Variants in CCR9 observed in about 807,000 individuals in gnomAD.
The protein encoded by CCR9 is C-C chemokine receptor type 9.
Under a neutral mutation model 8.7 loss-of-function variants are expected in CCR9, and 4 were observed. The observed-to-expected ratio is 0.46, with a 90% CI of 0.23 to 1.06. The LOEUF (loss-of-function observed/expected upper bound fraction) is 1.06, where lower values mean the gene tolerates loss of function less well. Ranked by LOEUF, CCR9 falls within the 50% of genes least tolerant of loss-of-function variation. The probability of loss-of-function intolerance (pLI) is 0.21; values close to 1 mark genes in which losing one functional copy is unlikely to be tolerated. For synonymous variants in CCR9, 159 were observed against 168.8 expected (o/e 0.94, Z 0.45); for missense variants, 394 against 453.6 (o/e 0.87, Z 1.19).
chr3:45,894,773 C>T, intron 1 of CCR9, 133 bp from the exon 2 acceptor site: 1 of 683,070 alleles, frequency 1.5e-6, no homozygotes, highest in Non-Finnish European at 2.6e-6. Flanking sequence ...ACTATATAGA[C>T]TCTAACTCCT....
At chr3:45,894,776 T>C in intron 1 of CCR9, 130 bp from the exon 2 acceptor site, 1 of 691,836 alleles carries the variant, frequency 1.4e-6, no homozygotes, top group South Asian at 1.7e-5. Context: ...ATATAGACTC[T>C]AACTCCTGCT....
At chr3:45,898,370 C>G (rs1335884461) in intron 2 of CCR9, among the ~76,000 whole-genome samples, 1 of 152,220 alleles carries the variant, frequency 6.6e-6, no homozygotes, top group Non-Finnish European at 1.5e-5. Flanking sequence ...TCTCGAGAGA[C>G]TGGGTTTCCA....
chr3:45,893,788 A>G (rs1021979601), intron 1 of CCR9, among the ~76,000 whole-genome samples: 6 of 152,166 alleles, frequency 3.9e-5, no homozygotes, highest in Non-Finnish European at 7.3e-5. Flanking sequence ...TATACTTACA[A>G]TTTTCTTGGG....
Position 45,894,941 on chromosome 3 carries a change from C to T in CCR9, c.8C>T (p.Pro3Leu). 3 of 1,614,006 alleles carry T rather than the reference C, an allele frequency of 1.9e-6. No homozygotes were observed. Among genetic ancestry groups the T allele is most frequent in the Non-Finnish European group, 2.5e-6 (3 of 1,179,938 alleles). The stretch of plus-strand genomic sequence containing the variant: ...GCATCTGACTGACCCACCATGACAC[C>T]CACAGACTTCACAGTGAGTACAGCC... MT[P>L]TDFTSPIPNM... is the part of the protein sequence containing the mutation. The change falls in exon 2 of 3, where the codon CCC becomes CTC. Residue 3 changes from proline to leucine, a missense_variant. Transcript: ENST00000357632.
intron 1 of CCR9, among the ~76,000 whole-genome samples, chr3:45,891,242 C>A (rs1702171788): frequency 6.6e-6 from 1 of 152,198 alleles, no homozygotes; most frequent in Non-Finnish European, 1.5e-5. Flanking sequence ...CAGACACAGT[C>A]CTGTTCCAGG....
intron 1 of CCR9, among the ~76,000 whole-genome samples, chr3:45,890,542 TG>T (rs1305050959): frequency 2.0e-5 from 3 of 150,712 alleles, no homozygotes; most frequent in Non-Finnish European, 2.9e-5. Context: ...TTCTGCTTGC[TG>T]GGTGAGTTTC....
intron 1 of CCR9, among the ~76,000 whole-genome samples, chr3:45,890,816 T>C (rs1404115024): frequency 1.3e-5 from 2 of 152,216 alleles, no homozygotes; most frequent in Non-Finnish European, 2.9e-5. Flanking sequence ...GAGGGGAATG[T>C]TTAAATGAAT....
chr3:45,897,717 C>T (rs1016683527), intron 2 of CCR9: 1 of 910,320 alleles, frequency 1.1e-6, no homozygotes, highest in Admixed American at 2.8e-5. Context: ...GTCCCTTGTG[C>T]TTGTCCTTCT....
chr3:45,891,353 A>G lies in CCR9; in HGVS notation c.-28-3553A>G, dbSNP rs533001428. Among the ~76,000 whole-genome samples the G allele has an allele frequency of 7.8e-4, 119 of 152,368 alleles. 1 individual carries two copies. The highest frequency in any genetic ancestry group is 2.7e-3 in the African/African-American group (112 of 41,586). ...CTAATTTCAAGCTCACTGAAAAGTG[A>G]AAAATTGTGTAAAGAATGCTTATAA... On this transcript the variant is annotated intron_variant, in intron 1 of 2. Coordinates refer to ENST00000357632, the MANE Select transcript of CCR9 (RefSeq NM_031200.3).
At chr3:45,896,097 GTAAT>G (rs2125752644) in intron 2 of CCR9, among the ~76,000 whole-genome samples, 1 of 152,318 alleles carries the variant, frequency 6.6e-6, no homozygotes, top group South Asian at 2.1e-4. Flanking sequence ...CAACAAAAAA[GTAAT>G]TAATTTGGTC....
chr3:45,894,020 G>T (rs928786927), intron 1 of CCR9, among the ~76,000 whole-genome samples: 15 of 152,172 alleles, frequency 9.9e-5, no homozygotes, highest in Non-Finnish European at 1.9e-4. Flanking sequence ...GAACCTTGGG[G>T]TGTGATGCTG....
chr3:45,898,658 T>C (rs1209908500), intron 2 of CCR9, among the ~76,000 whole-genome samples: 1 of 152,260 alleles, frequency 6.6e-6, no homozygotes, highest in African/African-American at 2.4e-5. Flanking sequence ...CCTTGGGTCC[T>C]CCTGCTACTT....
intron 1 of CCR9, among the ~76,000 whole-genome samples, chr3:45,892,396 T>C (rs533034887): frequency 2.6e-5 from 4 of 152,058 alleles, no homozygotes; most frequent in South Asian, 2.1e-4. Flanking sequence ...AAGAACAAGA[T>C]CCTGTCCTTT....
Position 45,901,571 on chromosome 3 carries a change from C to T in CCR9, c.783C>T (p.Thr261=), listed in dbSNP as rs759541158. The change falls in exon 3 of 3, where the codon ACC becomes ACT. Residue 261 remains threonine (T), a synonymous_variant. Transcript: ENST00000357632. This position sits in a 1 kb window ranked among gnomAD's most constrained non-coding sequence, Gnocchi z 4.3. ...TAAAAGTGACCATCACTGTCCTGACCGTCTTTGTCTTGTCTCAGTTTCCCT... is the reference window on the plus strand; with the variant it reads ...TAAAAGTGACCATCACTGTCCTGACTGTCTTTGTCTTGTCTCAGTTTCCCT... The part of the protein sequence containing the change: ...KALKVTITVL[T]VFVLSQFPYN... 1.2e-5 allele frequency: 19 copies of T among 1,614,038 alleles called. No homozygotes were observed. The highest frequency in any genetic ancestry group is 4.5e-5 in the East Asian group (2 of 44,890).
At chr3:45,886,156 C>T (rs149220594), upstream of CCR9, among the ~76,000 whole-genome samples, 314 of 152,312 alleles carry the variant, frequency 2.1e-3, 1 homozygote, top group African/African-American at 7.1e-3. Flanking sequence ...AGTGCTACAT[C>T]TGCCACTGGG....
Position 45,902,370 on chromosome 3 carries a change from A to G in CCR9, c.*472A>G, listed in dbSNP as rs532262664. ...TGGGAAATTTTCTACCCTGCTCTTG[A>G]GCCTGATAACCCATGCCAGGTCTTA... On this transcript the variant is annotated 3_prime_UTR_variant, in exon 3 of 3. Coordinates refer to ENST00000357632, the MANE Select transcript of CCR9 (RefSeq NM_031200.3). The G allele has an allele frequency of 5.8e-6, 1 of 170,964 alleles. No individual in the cohort carries two copies. Among genetic ancestry groups the G allele is most frequent in the Non-Finnish European group, 1.4e-5 (1 of 70,680 alleles). 10.6% of individuals were successfully genotyped at this position (170,964 alleles called of 1,614,324 possible).
In CCR9 at chr3:45,901,546, T is replaced by C; in HGVS notation, c.758T>C (p.Leu253Pro). 6.2e-7 allele frequency: 1 copy of C among 1,614,220 alleles called. No individual in the cohort carries two copies. The highest frequency in any genetic ancestry group is 8.5e-7 in the Non-Finnish European group (1 of 1,180,032). ...QAKKSSKHKA[L>P]KVTITVLTVF... ...AAGAAGTCTTCCAAGCACAAAGCCC[T>C]AAAAGTGACCATCACTGTCCTGACC... Residue 253 changes from leucine to proline, a missense_variant, in exon 3 of 3, where the codon CTA becomes CCA. Physicochemically the swap from Leu to Pro is moderately conservative, Grantham distance 98 (BLOSUM62 -3). Transcript: ENST00000357632. The surrounding 1 kb of genome is among the most constrained non-coding windows in gnomAD (Gnocchi z 4.3).
rs1200061830 is a variant in CCR9, at chr3:45,894,944, C to T, written c.11C>T (p.Thr4Ile). Residue 4 changes from threonine (T) to isoleucine (I), a missense_variant, in exon 2 of 3, where the codon ACA becomes ATA. Coordinates refer to ENST00000357632, the MANE Select transcript of CCR9 (RefSeq NM_031200.3). MTPTDFTSPIPNMA... is the reference protein window; with the variant it reads MTPIDFTSPIPNMA... ...TCTGACTGACCCACCATGACACCCA[C>T]AGACTTCACAGTGAGTACAGCCGTG... The T allele has an allele frequency of 3.1e-6, 5 of 1,613,958 alleles. No individual in the cohort carries two copies. In the South Asian group the frequency reaches 5.5e-5, roughly 18 times the overall value.
chr3:45,889,051 T>A (rs1702066836), intron 1 of CCR9, among the ~76,000 whole-genome samples: 1 of 152,238 alleles, frequency 6.6e-6, no homozygotes. Context: ...AGCAGTGCAA[T>A]GTTAGCTCAC....
Sources: gnomAD v4.1 joint callset for allele counts (sites outside exome capture counted in the v4.1 genomes callset) on GRCh38, gnomAD v4.1.1 for gene constraint, Gnocchi (gnomAD v3.1) non-coding constraint, MANE v1.5 for transcripts, NCBI Gene and HGNC (gene_info 2026-07-23, HGNC 2026-07-21) for gene names.